RBFOX1: variants seen among roughly 807,000 people sequenced by gnomAD.
RBFOX1 encodes the protein RNA binding protein fox-1 homolog 1.
A neutral mutation model predicts 57.7 loss-of-function variants in RBFOX1; 8 were observed. The ratio of observed to expected loss-of-function variants is 0.14; its 90% confidence interval spans 0.08 to 0.25. The LOEUF (loss-of-function observed/expected upper bound fraction) is 0.25, where lower values mean the gene tolerates loss of function less well. RBFOX1 is among the 10% of genes least tolerant of loss of function. RBFOX1 has a pLI of 1.00. For missense variants in RBFOX1, 611 were observed against 548.5 expected, an observed-to-expected ratio of 1.11 and a Z score of -1.14; for synonymous variants, 326 against 222.4, an observed-to-expected ratio of 1.47 and a Z score of -4.15.
chr16:6,159,363 C>G (rs2056426741), intron 1 of RBFOX1, among the ~76,000 whole-genome samples: 1 of 152,218 alleles, frequency 6.6e-6, no homozygotes, highest in Non-Finnish European at 1.5e-5. Context: ...AGGCGTGAGC[C>G]ACCGCACACG....
chr16:5,430,617 A>G (rs2067702229), intron 1 of RBFOX1, among the ~76,000 whole-genome samples: 1 of 152,108 alleles, frequency 6.6e-6, no homozygotes, highest in Non-Finnish European at 1.5e-5. Context: ...AGTATCAGTT[A>G]GGTTGACTCC....
chr16:6,303,892 A>T (rs567901329), intron 1 of RBFOX1, among the ~76,000 whole-genome samples: 2 of 141,452 alleles, frequency 1.4e-5, no homozygotes, highest in African/African-American at 5.3e-5. Context: ...GCTCACTGCA[A>T]CCTCCCCCTC....
At chr16:5,634,492 A>G (rs1368112752) in intron 3 of RBFOX1, among the ~76,000 whole-genome samples, 1 of 152,236 alleles carries the variant, frequency 6.6e-6, no homozygotes, top group Admixed American at 6.5e-5. Flanking sequence ...ACTTGTACAA[A>G]ATGCTAAACA....
chr16:6,694,766 A>G (rs552250225), intron 3 of RBFOX1, among the ~76,000 whole-genome samples: 16 of 152,160 alleles, frequency 1.1e-4, no homozygotes, highest in South Asian at 8.3e-4. Flanking sequence ...ATTGCCTCTC[A>G]TTTAACTAAT....
intron 10 of RBFOX1, among the ~76,000 whole-genome samples, chr16:7,628,892 C>T (rs769116014): frequency 4.7e-4 from 71 of 152,162 alleles, no homozygotes; most frequent in Non-Finnish European, 8.8e-4. Flanking sequence ...GAATGACAGG[C>T]ATGAGCCACT....
chr16:6,785,767 A>T (rs986698605), intron 3 of RBFOX1, among the ~76,000 whole-genome samples: 1 of 152,192 alleles, frequency 6.6e-6, no homozygotes, highest in Non-Finnish European at 1.5e-5. Flanking sequence ...CATTTTCCAG[A>T]TGAGGATACC....
chr16:6,140,522 G>A (rs1036867024), intron 1 of RBFOX1, among the ~76,000 whole-genome samples: 1 of 152,072 alleles, frequency 6.6e-6, no homozygotes, highest in Non-Finnish European at 1.5e-5. Flanking sequence ...TCTCCTGTAG[G>A]GTGGCCTGTA....
intron 2 of RBFOX1, among the ~76,000 whole-genome samples, chr16:6,421,531 GT>G (rs1192425345): frequency 6.6e-6 from 1 of 152,128 alleles, no homozygotes; most frequent in African/African-American, 2.4e-5. Flanking sequence ...TTCAGCAAAC[GT>G]TGACACATTC....
intron 3 of RBFOX1, among the ~76,000 whole-genome samples, chr16:6,871,355 T>C (rs1043742747): frequency 2.0e-5 from 3 of 152,080 alleles, no homozygotes; most frequent in African/African-American, 7.2e-5. Context: ...CTGGCTAATT[T>C]TTGTATTTTT....
At chr16:6,226,647 A>G (rs1192383751) in intron 1 of RBFOX1, among the ~76,000 whole-genome samples, 1 of 152,176 alleles carries the variant, frequency 6.6e-6, no homozygotes, top group East Asian at 1.9e-4. Flanking sequence ...TTGGCCTCCA[A>G]GAGCATTTTC....
chr16:6,210,411 AGAAAG>A (rs2097288537), intron 1 of RBFOX1, among the ~76,000 whole-genome samples: 1 of 150,898 alleles, frequency 6.6e-6, no homozygotes, highest in Non-Finnish European at 1.5e-5. Context: ...GGAAGGGGAA[AGAAAG>A]GAAAGGAAGG....
At chr16:5,845,755 G>A (rs1266501585) in intron 3 of RBFOX1, among the ~76,000 whole-genome samples, 2 of 152,172 alleles carry the variant, frequency 1.3e-5, no homozygotes, top group African/African-American at 4.8e-5. Context: ...CGTGGCTAGT[G>A]GTGACTCTTA....
intron 2 of RBFOX1, among the ~76,000 whole-genome samples, chr16:6,450,794 T>C (rs1311282133): frequency 1.3e-3 from 22 of 16,580 alleles, no homozygotes; most frequent in South Asian, 0.013. Context: ...TATATACATA[T>C]ATATATGTAT....
intron 1 of RBFOX1, among the ~76,000 whole-genome samples, chr16:6,091,528 T>TA (rs1386517150): frequency 2.7e-3 from 260 of 94,634 alleles, no homozygotes; most frequent in African/African-American, 0.016. Context: ...TGGTAGGTAT[T>TA]CAAAAAAAAC....
At chr16:7,316,987 A>ACACAC (rs1568178930) in intron 4 of RBFOX1, among the ~76,000 whole-genome samples, 2 of 45,858 alleles carry the variant, frequency 4.4e-5, no homozygotes, top group African/African-American at 1.4e-4. Flanking sequence ...CACACACACA[A>ACACAC]ACACACACAC....
At chr16:6,796,289 T>C (rs1355907529) in intron 3 of RBFOX1, among the ~76,000 whole-genome samples, 2 of 152,126 alleles carry the variant, frequency 1.3e-5, no homozygotes, top group African/African-American at 2.4e-5. Context: ...ACTGGGTTCC[T>C]CCCATGACAC....
intron 2 of RBFOX1, among the ~76,000 whole-genome samples, chr16:6,344,198 C>T (rs1285294359): frequency 2.0e-5 from 3 of 151,628 alleles, no homozygotes; most frequent in Non-Finnish European, 4.4e-5. Context: ...TTACAGGTGC[C>T]TGCTGCCACA....
chr16:5,699,776 C>G (rs1453964695), intron 3 of RBFOX1, among the ~76,000 whole-genome samples: 8 of 152,290 alleles, frequency 5.3e-5, no homozygotes, highest in African/African-American at 1.9e-4. Context: ...TTGAGAAATC[C>G]TTCATGATAA....
At chr16:6,976,351 C>A (rs1355484531) in intron 3 of RBFOX1, among the ~76,000 whole-genome samples, 1 of 152,154 alleles carries the variant, frequency 6.6e-6, no homozygotes, top group Non-Finnish European at 1.5e-5. Context: ...CTTGTTCTAG[C>A]ATTCAGTCCT....
Sources: gnomAD v4.1 joint callset for allele counts (sites outside exome capture counted in the v4.1 genomes callset) on GRCh38, gnomAD v4.1.1 for gene constraint, MANE v1.5 for transcripts, NCBI Gene and HGNC (gene_info 2026-07-23, HGNC 2026-07-21) for gene names.